The following PPP1R16B variants were observed in gnomAD, a reference collection of about 807,000 sequenced individuals.
PPP1R16B encodes the protein protein phosphatase 1 regulatory subunit 16B.
PPP1R16B carries 14 observed loss-of-function variants against 61.7 expected under a neutral mutation model. The observed-to-expected ratio is 0.23, with a 90% CI of 0.15 to 0.35. The LOEUF (loss-of-function observed/expected upper bound fraction) is 0.35. Ranked by LOEUF, PPP1R16B falls within the 10% of genes least tolerant of loss-of-function variation. The probability of loss-of-function intolerance (pLI) is 1.00; values close to 1 mark genes in which losing one functional copy is unlikely to be tolerated. For missense variants in PPP1R16B, 547 were observed against 752.5 expected (o/e 0.73, Z 3.19); for synonymous variants, 266 against 305.3 (o/e 0.87, Z 1.34).
intron 1 of PPP1R16B, among the ~76,000 whole-genome samples, chr20:38,829,189 G>T (rs1027527542): frequency 1.3e-5 from 2 of 152,196 alleles, no homozygotes; most frequent in Non-Finnish European, 2.9e-5. Flanking sequence ...ACACCTCAGT[G>T]GCCTGTTCCT....
intron 6 of PPP1R16B, among the ~76,000 whole-genome samples, chr20:38,903,820 G>A (rs894601321): frequency 2.6e-5 from 4 of 152,198 alleles, no homozygotes; most frequent in Admixed American, 2.0e-4. Flanking sequence ...GGCTCTCAGA[G>A]CACACTGCAG....
At chr20:38,890,908 G>A (rs2085287399) in intron 3 of PPP1R16B, among the ~76,000 whole-genome samples, 1 of 152,154 alleles carries the variant, frequency 6.6e-6, no homozygotes, top group Admixed American at 6.5e-5. Flanking sequence ...AAGCCCCAGG[G>A]GCAGGTCCCT....
intron 2 of PPP1R16B, among the ~76,000 whole-genome samples, chr20:38,857,595 G>A (rs2085017005): frequency 6.6e-6 from 1 of 152,202 alleles, no homozygotes; most frequent in Non-Finnish European, 1.5e-5. Flanking sequence ...TAGATCGGTA[G>A]GTAGGTTTGG....
intron 2 of PPP1R16B, among the ~76,000 whole-genome samples, chr20:38,873,620 CA>C (rs1384132103): frequency 2.6e-5 from 4 of 152,124 alleles, no homozygotes; most frequent in African/African-American, 7.2e-5. Context: ...ACGCTGTTGG[CA>C]GGAGGCCTCA....
intron 2 of PPP1R16B, among the ~76,000 whole-genome samples, chr20:38,845,989 G>A (rs1216744975): frequency 1.3e-5 from 2 of 152,200 alleles, no homozygotes; most frequent in East Asian, 1.9e-4. Flanking sequence ...GGAGCCCACA[G>A]GGCTTCTGTG....
chr20:38,888,842 T>G (rs2085266575), intron 2 of PPP1R16B, among the ~76,000 whole-genome samples: 1 of 148,594 alleles, frequency 6.7e-6, no homozygotes, highest in Admixed American at 6.8e-5. Flanking sequence ...TCAATGCTGT[T>G]CACTCTGGCC....
At chr20:38,819,538 T>C (rs974221169) in intron 1 of PPP1R16B, among the ~76,000 whole-genome samples, 4 of 152,258 alleles carry the variant, frequency 2.6e-5, no homozygotes, top group East Asian at 1.9e-4. Context: ...ACTTTTTTCA[T>C]GTAACTCCTA....
chr20:38,889,476 T>C, intron 2 of PPP1R16B, 119 bp from the exon 3 acceptor site: 1 of 831,780 alleles, frequency 1.2e-6, no homozygotes, highest in Non-Finnish European at 2.0e-6. Context: ...ATCTGTAAAA[T>C]GGGGAGTTGT....
At chr20:38,819,225 A>T (rs2084758130) in intron 1 of PPP1R16B, among the ~76,000 whole-genome samples, 1 of 152,208 alleles carries the variant, frequency 6.6e-6, no homozygotes, top group Non-Finnish European at 1.5e-5. Context: ...CCTTCTATAA[A>T]ATAGGGATTA....
intron 4 of PPP1R16B, among the ~76,000 whole-genome samples, chr20:38,896,140 TTTCCTTCTTTCTTCCTCCCTCCCTTCC>T (rs1476494231): frequency 4.8e-4 from 32 of 66,708 alleles, no homozygotes; most frequent in African/African-American, 1.6e-3. Context: ...TCCTCCCTCC[TTTCCTTCTTTCTTCCTCCCTCCCTTCC>T]TTCCTTCTTT....
chr20:38,895,889 C>T (rs796164332), intron 4 of PPP1R16B, among the ~76,000 whole-genome samples, 179 bp downstream of exon 4: 3,215 of 44,596 alleles, frequency 0.072, 91 homozygotes, highest in Middle Eastern at 0.17. Flanking sequence ...CTTCTTTCTT[C>T]CCTCCCTCCC....
chr20:38,837,083 G>A (rs776441969), intron 2 of PPP1R16B, among the ~76,000 whole-genome samples: 6 of 152,208 alleles, frequency 3.9e-5, no homozygotes, highest in Non-Finnish European at 7.3e-5. Flanking sequence ...ATGCTGTTCC[G>A]TGTATTCCGT....
chr20:38,849,363 C>A (rs982171349), intron 2 of PPP1R16B, among the ~76,000 whole-genome samples: 3 of 152,154 alleles, frequency 2.0e-5, no homozygotes, highest in African/African-American at 7.2e-5. Flanking sequence ...TCTATCCTCT[C>A]TCCCCTTCTC....
chr20:38,875,274 C>T (rs2085157919), intron 2 of PPP1R16B, among the ~76,000 whole-genome samples: 1 of 152,228 alleles, frequency 6.6e-6, no homozygotes, highest in South Asian at 2.1e-4. Flanking sequence ...GCAGCTTGCT[C>T]CCCTCCGGGC....
chr20:38,831,830 A>C (rs1278378107), intron 1 of PPP1R16B, among the ~76,000 whole-genome samples: 1 of 152,260 alleles, frequency 6.6e-6, no homozygotes, highest in African/African-American at 2.4e-5. Context: ...GATGTGGATC[A>C]CAGGAGGCTT....
At chr20:38,824,731 TA>T (rs1338661892) in intron 1 of PPP1R16B, among the ~76,000 whole-genome samples, 2 of 152,254 alleles carry the variant, frequency 1.3e-5, no homozygotes, top group Non-Finnish European at 2.9e-5. Context: ...GAAAAGTTTT[TA>T]AAAATTCCCA....
chr20:38,895,986 C>T (rs149550241), intron 4 of PPP1R16B, among the ~76,000 whole-genome samples: 4,748 of 92,214 alleles, frequency 0.051, 553 homozygotes, highest in East Asian at 0.12. Context: ...CTCCCTCCTT[C>T]CTTCTTTCTC....
chr20:38,885,967 G>T (rs956685781), intron 2 of PPP1R16B, among the ~76,000 whole-genome samples: 1 of 152,240 alleles, frequency 6.6e-6, no homozygotes, highest in East Asian at 1.9e-4. Context: ...GTAGAGACAG[G>T]GTTTCGCCAT....
At chr20:38,838,694 A>G (rs2084889052) in intron 2 of PPP1R16B, among the ~76,000 whole-genome samples, 2 of 152,084 alleles carry the variant, frequency 1.3e-5, no homozygotes, top group Non-Finnish European at 2.9e-5. Flanking sequence ...ACCCCTCGTT[A>G]TTGACTGCCT....
Sources: allele counts gnomAD v4.1 joint callset (sites outside exome capture counted in the v4.1 genomes callset), GRCh38; gene constraint gnomAD v4.1.1; transcripts MANE v1.5; gene names NCBI Gene and HGNC (gene_info 2026-07-23, HGNC 2026-07-21).